The following LONRF2 variants were observed in gnomAD, a reference collection of about 807,000 sequenced individuals.
LONRF2 encodes the protein LON peptidase N-terminal domain and RING finger protein 2.
LONRF2 carries 35 observed loss-of-function variants against 66.6 expected under a neutral mutation model. The observed-to-expected ratio is 0.53, with a 90% CI of 0.40 to 0.70. LONRF2 has a LOEUF of 0.70. Among genes scored for constraint, LONRF2 ranks in the 30% least tolerant of loss-of-function variants. The pLI is 0.00. For synonymous variants in LONRF2, 417 were observed against 418.1 expected, an observed-to-expected ratio of 1.00 and a Z score of 0.03; for missense variants, 902 against 1,002.1, an observed-to-expected ratio of 0.90 and a Z score of 1.35.
chr2:100,284,783 A>G (rs1674811752), intron 11 of LONRF2, among the ~76,000 whole-genome samples: 1 of 152,242 alleles, frequency 6.6e-6, no homozygotes, highest in Non-Finnish European at 1.5e-5. Flanking sequence ...TTAAGAGTAT[A>G]TACCAGTCAG....
chr2:100,300,927 T>G (rs532517213), intron 3 of LONRF2, 140 bp from the exon 4 acceptor site: 1 of 655,796 alleles, frequency 1.5e-6, no homozygotes, highest in East Asian at 3.1e-5. Context: ...CTGCCAACCT[T>G]TTAAAATCCA....
chr2:100,317,508 T>C (rs1433878873), intron 1 of LONRF2, among the ~76,000 whole-genome samples: 1 of 152,216 alleles, frequency 6.6e-6, no homozygotes, highest in African/African-American at 2.4e-5. Context: ...TTATTGTTAT[T>C]TGAAATAGTC....
chr2:100,307,171 C>A (rs994358841), intron 2 of LONRF2, among the ~76,000 whole-genome samples: 1 of 152,104 alleles, frequency 6.6e-6, no homozygotes, highest in Admixed American at 6.5e-5. Context: ...CCGCCCGTCT[C>A]GGCCTCCGAA....
At chr2:100,294,098 T>G (rs1428111002) in intron 9 of LONRF2, 131 bp downstream of exon 9, 2 of 1,034,410 alleles carry the variant, frequency 1.9e-6, no homozygotes, top group East Asian at 5.3e-5. Flanking sequence ...TGGGCAGCCT[T>G]GAACTTGGAC....
intron 1 of LONRF2, among the ~76,000 whole-genome samples, chr2:100,316,793 C>T (rs982559508): frequency 3.3e-5 from 5 of 152,196 alleles, no homozygotes; most frequent in Admixed American, 6.5e-5. Context: ...TGTTCAACAT[C>T]TCCAATTATT....
Position 100,322,206 on chromosome 2 carries a change from C to T in LONRF2, c.-113G>A. On this transcript the variant is annotated 5_prime_UTR_variant, in exon 1 of 12. In the 5' UTR this introduces an upstream ATG that the reference lacks. Coordinates refer to ENST00000393437, the MANE Select transcript of LONRF2 (RefSeq NM_198461.4). ...CGGTCTCAGCCCTCGCCAGCAGCCA[C>T]GCGCGTCTGGGGGCGGCGCGCTGCG... 9.6e-7 allele frequency: 1 copy of T among 1,044,750 alleles called. No individual in the cohort carries two copies. The highest frequency in any genetic ancestry group is 1.2e-6 in the Non-Finnish European group (1 of 841,142). The allele number at this position is 1,044,750 out of a possible 1,614,324, so 64.7% of individuals were successfully genotyped here. A position where few individuals can be genotyped will look rare whatever the true frequency, so the allele number is the denominator to read the frequency against.
At chr2:100,290,445 A>C in intron 9 of LONRF2, 25 bp from the exon 10 acceptor site, 3 of 1,583,896 alleles carry the variant, frequency 1.9e-6, no homozygotes, top group Non-Finnish European at 2.6e-6. Flanking sequence ...AGGAGAAATG[A>C]CTGTGATTTT....
rs1674858055 is a variant in LONRF2, at chr2:100,286,948, A to G, written c.2036T>C (p.Phe679Ser). The G allele has an allele frequency of 1.2e-6, 2 of 1,614,002 alleles. No homozygotes were observed. The highest frequency in any genetic ancestry group is 1.7e-6 in the Non-Finnish European group (2 of 1,180,000). Residue 679 changes from phenylalanine to serine, a missense_variant, in exon 11 of 12, where the codon TTT (phenylalanine) becomes TCT (serine). Transcript: ENST00000393437. The stretch of plus-strand genomic sequence containing the variant: ...AGGTTCTCTGTCTGGCATTACCCCA[A>G]AATGACTTAAAATTTGTTCTTTCAT... ...DRMKEQILSH[F>S]GVMPDREPEP...
At chr2:100,306,931 T>C (rs1675305066) in intron 2 of LONRF2, among the ~76,000 whole-genome samples, 1 of 151,228 alleles carries the variant, frequency 6.6e-6, no homozygotes, top group South Asian at 2.1e-4. Context: ...CGCTCTTTTT[T>C]TTTTTTTGAG....
Position 100,299,257 on chromosome 2 carries a change from C to T in LONRF2, c.1330G>A (p.Val444Ile). 6.3e-7 allele frequency: 1 copy of T among 1,594,666 alleles called. No homozygotes were observed. Among genetic ancestry groups the T allele is most frequent in the Non-Finnish European group, 8.6e-7 (1 of 1,168,588 alleles). Residue 444 changes from valine to isoleucine, a missense_variant, in exon 6 of 12, where the codon GTA becomes ATA. Val to Ile is a conservative substitution (Grantham distance 29). Transcript: ENST00000393437. The stretch of plus-strand genomic sequence containing the variant: ...CAGAGGGCACACTCAAAGTCAGTTA[C>T]ATCAAGCGAGAGCCCCTGACTTTCT... ...TEESQGLSLD[V>I]TDFECALCMR...
chr2:100,310,309 G>A (rs895369621), intron 1 of LONRF2, among the ~76,000 whole-genome samples: 1 of 152,170 alleles, frequency 6.6e-6, no homozygotes, highest in African/African-American at 2.4e-5. Context: ...GCCCACCTAC[G>A]ATCCTTGTAG....
intron 7 of LONRF2, among the ~76,000 whole-genome samples, chr2:100,295,958 C>G (rs2105721759): frequency 6.6e-6 from 1 of 152,294 alleles, no homozygotes; most frequent in South Asian, 2.1e-4. Context: ...GAGTCTAAGA[C>G]TTAAAATTTT....
chr2:100,302,772 T>A (rs982262239), intron 3 of LONRF2, 149 bp downstream of exon 3: 2 of 734,022 alleles, frequency 2.7e-6, no homozygotes, highest in Admixed American at 3.7e-5. Flanking sequence ...TGTATGAACC[T>A]TACAATTATT....
chr2:100,308,262 C>T (rs896223240), intron 2 of LONRF2, among the ~76,000 whole-genome samples: 9 of 151,834 alleles, frequency 5.9e-5, no homozygotes, highest in South Asian at 2.1e-4. Flanking sequence ...CCCAGCTATG[C>T]GGGAGGCTGA....
Position 100,284,419 on chromosome 2 carries a change from G to T in LONRF2, c.2144C>A (p.Ala715Asp). ...TTTGAGCGAGGTCATGCCGAGGATG[G>T]CCAGCTGAGCCTTGCGCTCCAGGGG... Reference protein sequence around the residue: ...VLPLERKAQLAILGMTSLKER... With the variant: ...VLPLERKAQLDILGMTSLKER... The change falls in exon 12 of 12, where the codon GCC becomes GAC. Residue 715 changes from alanine (A) to aspartate (D), a missense_variant. By Grantham distance (126) the Ala-to-Asp change is moderately radical (BLOSUM62 -2). Transcript: ENST00000393437. The T allele has an allele frequency of 6.2e-7, 1 of 1,606,806 alleles. No individual in the cohort carries two copies. The highest frequency in any genetic ancestry group is 8.5e-7 in the Non-Finnish European group (1 of 1,176,968).
chr2:100,320,012 A>G (rs1158576058), intron 1 of LONRF2, among the ~76,000 whole-genome samples: 2 of 152,238 alleles, frequency 1.3e-5, no homozygotes. Flanking sequence ...ATTTCTGATG[A>G]AAATTTGATG....
chr2:100,319,953 C>A (rs1375925640), intron 1 of LONRF2, among the ~76,000 whole-genome samples: 1 of 152,218 alleles, frequency 6.6e-6, no homozygotes, highest in East Asian at 1.9e-4. Context: ...ATAAATATCA[C>A]AGTTTTCATT....
chr2:100,290,206 G>A (rs1349492526), intron 10 of LONRF2, 52 bp downstream of exon 10: 1 of 1,533,348 alleles, frequency 6.5e-7, no homozygotes, highest in Non-Finnish European at 8.8e-7. Context: ...ACAATGCAAA[G>A]GGAAGCGAGA....
rs578079058 is a variant in LONRF2, at chr2:100,273,821, T to C, written c.*10477A>G. The C allele has an allele frequency of 4.6e-5, 7 of 152,164 alleles. No homozygotes were observed. Among genetic ancestry groups the C allele is most frequent in the Admixed American group, 3.9e-4 (6 of 15,266 alleles). 9.4% of individuals were successfully genotyped at this position (152,164 alleles called of 1,614,324 possible). ...TAAAATCATTTCACAACTCTAAAAT[T>C]AAGATGCTAATGACACCACTCTCCA... On this transcript the variant is annotated 3_prime_UTR_variant, in exon 12 of 12. Transcript: ENST00000393437.
Sources: allele counts gnomAD v4.1 joint callset (sites outside exome capture counted in the v4.1 genomes callset), GRCh38; gene constraint gnomAD v4.1.1; transcripts MANE v1.5; gene names NCBI Gene and HGNC (gene_info 2026-07-23, HGNC 2026-07-21).